The following SYNE2 variants were observed in gnomAD, a reference collection of about 807,000 sequenced individuals.
The protein encoded by SYNE2 is nesprin-2.
Under a neutral mutation model 856.3 loss-of-function variants are expected in SYNE2, and 431 were observed. The ratio of observed to expected loss-of-function variants is 0.50; its 90% CI spans 0.47 to 0.55. SYNE2 has a LOEUF of 0.55. Among genes scored for constraint, SYNE2 ranks in the 20% least tolerant of loss-of-function variants. The pLI is 0.00. For missense variants in SYNE2, 8,129 were observed against 8,023.2 expected (o/e 1.01, Z -0.50); for synonymous variants, 2,923 against 2,872.3 (o/e 1.02, Z -0.56).
chr14:64,187,470 TTA>T (rs2098497825), intron 97 of SYNE2, among the ~76,000 whole-genome samples: 1 of 152,222 alleles, frequency 6.6e-6, no homozygotes, highest in Non-Finnish European at 1.5e-5. Context: ...TTCCTAATTG[TTA>T]CTATTATGAA....
intron 11 of SYNE2, 73 bp from the exon 12 acceptor site, chr14:63,976,490 A>C (rs536016248): frequency 1.1e-5 from 16 of 1,499,248 alleles, no homozygotes; most frequent in Non-Finnish European, 1.5e-5. Flanking sequence ...AGAATCAAAC[A>C]TACTGTATGT....
intron 61 of SYNE2, among the ~76,000 whole-genome samples, chr14:64,096,921 A>G (rs1302151516): frequency 1.3e-5 from 2 of 152,258 alleles, no homozygotes; most frequent in South Asian, 2.1e-4. Context: ...TCTAAGGAAT[A>G]TATTAGGAAC....
At chr14:64,158,424 C>G (rs2098302940) in intron 85 of SYNE2, among the ~76,000 whole-genome samples, 1 of 152,158 alleles carries the variant, frequency 6.6e-6, no homozygotes, top group African/African-American at 2.4e-5. Context: ...TCTTTGGGCT[C>G]TTTTTCATTC....
At chr14:64,210,235 C>T in intron 103 of SYNE2, 111 bp downstream of exon 103, 3 of 1,356,496 alleles carry the variant, frequency 2.2e-6, no homozygotes, top group Non-Finnish European at 3.0e-6. Flanking sequence ...TCACTTCAGG[C>T]CTGAGCTGTT....
At chr14:63,965,475 G>T (rs1468292688) in intron 10 of SYNE2, among the ~76,000 whole-genome samples, 2 of 152,216 alleles carry the variant, frequency 1.3e-5, no homozygotes, top group East Asian at 1.9e-4. Context: ...CTTCTCTGGG[G>T]TAAGTAGTTA....
intron 95 of SYNE2, among the ~76,000 whole-genome samples, chr14:64,176,827 T>C (rs1172111807): frequency 6.6e-6 from 1 of 152,028 alleles, no homozygotes; most frequent in Non-Finnish European, 1.5e-5. Flanking sequence ...AGATGGAGTC[T>C]TGCTCTGTCA....
intron 1 of SYNE2, among the ~76,000 whole-genome samples, chr14:63,837,742 C>T (rs1057011871): frequency 4.0e-5 from 6 of 150,204 alleles, no homozygotes; most frequent in Admixed American, 1.3e-4. Flanking sequence ...TAGTAAGACC[C>T]CCCTGTCTCT....
intron 83 of SYNE2, among the ~76,000 whole-genome samples, chr14:64,145,127 A>G (rs1198166428): frequency 6.6e-6 from 1 of 151,726 alleles, no homozygotes; most frequent in Non-Finnish European, 1.5e-5. Context: ...GGGTTTCACC[A>G]TGTTGGTCAG....
At position 64,225,481 on chromosome 14, in the gene SYNE2, C is replaced by T; in HGVS notation, c.20679C>T (p.Ser6893=). The T allele has an allele frequency of 6.2e-7, 1 of 1,614,228 alleles. No homozygotes were observed. Among genetic ancestry groups the T allele is most frequent in the Non-Finnish European group, 8.5e-7 (1 of 1,180,036 alleles). ...SCTQANNFAR[S]FYPMLRYTNG... is the part of the protein sequence containing the mutation. The stretch of plus-strand genomic sequence containing the variant: ...CTCAGGCCAACAACTTTGCCCGGTC[C>T]TTTTACCCCATGCTGAGGTACACCA... The change falls in exon 116 of 116, where the codon TCC becomes TCT. Residue 6893 remains serine, a synonymous_variant. Coordinates refer to ENST00000555002, the MANE Select transcript of SYNE2 (RefSeq NM_182914.3).
chr14:63,873,786 A>T (rs1257075741), intron 1 of SYNE2: 1 of 152,218 alleles, frequency 6.6e-6, no homozygotes, highest in Non-Finnish European at 1.5e-5. Context: ...TTCCTCACTG[A>T]ACTGTGGATG....
In SYNE2 at chr14:63,941,718, C is replaced by T. The variant is rs143451415; in HGVS notation, c.165C>T (p.Ser55=). The part of the protein sequence containing the change: ...LARHTSPSVI[S]DLFTDIKKGH... The stretch of plus-strand genomic sequence containing the variant: ...AGCACACTTCTCCCTCAGTTATATC[C>T]GACCTATTCACAGACATTAAAAAGG... Residue 55 remains serine, a synonymous_variant, in exon 4 of 116, where the codon TCC becomes TCT. Transcript: ENST00000555002. 306 of 1,614,008 alleles carry T rather than the reference C, an allele frequency of 1.9e-4. 1 individual carries two copies. The African/African-American group carries it at 3.3e-3, about 18-fold the overall frequency.
rs547530705 is a variant in SYNE2 at position 63,949,624 on chromosome 14, C to A, written c.409-201C>A. Among the ~76,000 whole-genome samples the A allele has an allele frequency of 2.0e-5, 3 of 152,232 alleles. No individual in the cohort carries two copies. In the East Asian group the frequency reaches 5.8e-4, roughly 29 times the overall value. On this transcript the variant is annotated intron_variant, in intron 6 of 115. Transcript: ENST00000555002. ...ATGCCTGGGTGAGGGTAAGGAATGA[C>A]CCAAGTCATTCCTTAGGAAGCAAAA...
intron 99 of SYNE2, among the ~76,000 whole-genome samples, chr14:64,198,222 G>A (rs534783231): frequency 5.3e-5 from 8 of 152,346 alleles, no homozygotes; most frequent in East Asian, 1.9e-4. Flanking sequence ...AAAGCGCTCA[G>A]GTGGTTGATG....
chr14:64,026,361 G>A (rs2096978529), intron 41 of SYNE2, among the ~76,000 whole-genome samples: 1 of 152,120 alleles, frequency 6.6e-6, no homozygotes. Context: ...GAGAAGAGCA[G>A]GAATGCAGTC....
At chr14:63,776,466 A>G (rs1424532126) in intron 1 of SYNE2, among the ~76,000 whole-genome samples, 2 of 152,218 alleles carry the variant, frequency 1.3e-5, no homozygotes, top group African/African-American at 4.8e-5. Context: ...AGAGTTTTGC[A>G]TTATAGATCC....
intron 44 of SYNE2, 60 bp downstream of exon 44, chr14:64,030,119 G>A (rs2097020918): frequency 7.3e-6 from 11 of 1,514,204 alleles, no homozygotes; most frequent in Non-Finnish European, 1.0e-5. Context: ...GTTAATTACA[G>A]TGTGATTAAT....
At chr14:64,138,120 T>A in intron 79 of SYNE2, 137 bp downstream of exon 79, 1 of 867,540 alleles carries the variant, frequency 1.2e-6, no homozygotes, top group Non-Finnish European at 1.8e-6. Context: ...GTTGGGTCCC[T>A]CTTCTGGGCT....
chr14:64,049,950 G>C, intron 47 of SYNE2, 74 bp downstream of exon 47: 1 of 1,532,660 alleles, frequency 6.5e-7, no homozygotes, highest in South Asian at 1.2e-5. Flanking sequence ...CAGGCCCAGG[G>C]TTTTAAGAGT....
At chr14:64,192,245 C>T (rs144627804) in intron 99 of SYNE2, among the ~76,000 whole-genome samples, 211 of 152,078 alleles carry the variant, frequency 1.4e-3, no homozygotes, top group Middle Eastern at 0.01. Flanking sequence ...AAGATAATTT[C>T]TGTGGGATAA....
Sources: gnomAD v4.1 joint callset for allele counts (sites outside exome capture counted in the v4.1 genomes callset) on GRCh38, gnomAD v4.1.1 for gene constraint, MANE v1.5 for transcripts, NCBI Gene and HGNC (gene_info 2026-07-23, HGNC 2026-07-21) for gene names.